The following ARF4 variants were observed in gnomAD, a reference collection of about 807,000 sequenced individuals.
The protein encoded by ARF4 is ARF GTPase 4.
ARF4 carries 5 observed loss-of-function variants against 24.3 expected under a neutral mutation model. The observed-to-expected ratio is 0.21, with a 90% CI of 0.11 to 0.43. ARF4 has a LOEUF of 0.43. ARF4 is among the 20% of genes least tolerant of loss of function. The probability of loss-of-function intolerance (pLI) is 1.00; values close to 1 mark genes in which losing one functional copy is unlikely to be tolerated. For synonymous variants in ARF4, 62 were observed against 73.5 expected, an observed-to-expected ratio of 0.84 and a Z score of 0.80; for missense variants, 107 against 213.0, an observed-to-expected ratio of 0.50 and a Z score of 3.10.
intron 1 of ARF4, chr3:57,596,679 G>T: frequency 1.0e-5 from 2 of 199,136 alleles, no homozygotes; most frequent in Non-Finnish European, 2.1e-5. Context: ...GAGTTGCTCT[G>T]CCTCCCTCCT....
At chr3:57,583,819 G>A (rs1244328918) in intron 3 of ARF4, 79 bp downstream of exon 3, 1 of 980,420 alleles carries the variant, frequency 1.0e-6, no homozygotes, top group Admixed American at 2.3e-5. Context: ...CAATATCCAA[G>A]TAAATACTAG....
At chr3:57,586,283 C>T (rs538854756) in intron 1 of ARF4, among the ~76,000 whole-genome samples, 3 of 148,354 alleles carry the variant, frequency 2.0e-5, no homozygotes, top group Non-Finnish European at 4.5e-5. Context: ...TAAGCAAGGA[C>T]ACTTTCTTAA....
chr3:57,582,854 T>C (rs1369757612), intron 3 of ARF4, among the ~76,000 whole-genome samples: 3 of 152,210 alleles, frequency 2.0e-5, no homozygotes, highest in African/African-American at 7.2e-5. Flanking sequence ...GAACAAACTC[T>C]CCCATCTTGG....
intron 4 of ARF4, among the ~76,000 whole-genome samples, chr3:57,576,915 G>C (rs1313854748): frequency 6.6e-6 from 1 of 151,884 alleles, no homozygotes; most frequent in Non-Finnish European, 1.5e-5. Flanking sequence ...GATGACCTTG[G>C]GAACAAAACA....
chr3:57,583,452 G>A (rs549441194), intron 3 of ARF4, among the ~76,000 whole-genome samples: 1 of 152,148 alleles, frequency 6.6e-6, no homozygotes, highest in South Asian at 2.1e-4. Flanking sequence ...CATACTATGT[G>A]GCAATATAAA....
chr3:57,579,692 G>T (rs946223858), intron 3 of ARF4, among the ~76,000 whole-genome samples: 2 of 152,080 alleles, frequency 1.3e-5, no homozygotes, highest in African/African-American at 4.8e-5. Flanking sequence ...AATTTCCTTT[G>T]TTTTAGCAAA....
Position 57,571,969 on chromosome 3 carries a change from C to T in ARF4, c.*243G>A, listed in dbSNP as rs1423566671. 7 of 430,016 alleles carry T rather than the reference C, an allele frequency of 1.6e-5. No individual in the cohort carries two copies. In the South Asian group the frequency reaches 2.2e-4, roughly 13 times the overall value. The allele number at this position is 430,016 out of a possible 1,614,324, so 26.6% of individuals were successfully genotyped here. On this transcript the variant is annotated 3_prime_UTR_variant, in exon 6 of 6. Coordinates refer to ENST00000303436, the MANE Select transcript of ARF4 (RefSeq NM_001660.4). Reference sequence around the variant, plus strand: ...CACAAGAGCTATGTCCAGGCATTTACGCTTATGGGAAGTAAAATTAAAAGA... The same window carrying T: ...CACAAGAGCTATGTCCAGGCATTTATGCTTATGGGAAGTAAAATTAAAAGA...
chr3:57,596,725 A>G, intron 1 of ARF4: 1 of 276,250 alleles, frequency 3.6e-6, no homozygotes, highest in Non-Finnish European at 7.1e-6. Context: ...AGGTATGCAG[A>G]TCGCACCCCC....
rs1445193094 is a variant in ARF4, at chr3:57,597,332, C to T, written c.-192G>A. ...GCACAGGAATAAGCCGGTAGAGGAC[C>T]TGCTAGGCGACTGGCGCGGCAGCTC... On this transcript the variant is annotated 5_prime_UTR_variant, in exon 1 of 6. Transcript: ENST00000303436. The T allele has an allele frequency of 1.3e-5, 7 of 530,928 alleles. No individual in the cohort carries two copies. The highest frequency in any genetic ancestry group is 2.4e-5 in the Non-Finnish European group (7 of 296,276). 32.9% of individuals were successfully genotyped at this position (530,928 alleles called of 1,614,324 possible).
intron 1 of ARF4, among the ~76,000 whole-genome samples, chr3:57,595,108 T>A (rs961848892): frequency 6.6e-6 from 1 of 152,228 alleles, no homozygotes; most frequent in African/African-American, 2.4e-5. Flanking sequence ...TTCTCTCCCA[T>A]TTTCTTCGAA....
rs1488299487 is a variant in ARF4 at position 57,571,909 on chromosome 3, T to A, written c.*303A>T. On this transcript the variant is annotated 3_prime_UTR_variant, in exon 6 of 6. Coordinates refer to ENST00000303436, the MANE Select transcript of ARF4 (RefSeq NM_001660.4). ...CTTTAAAACATTATTTGTCTGGGGC[T>A]CAAAAAACACTCAAAACAATTTATT... is the stretch of plus-strand genomic sequence containing the variant. 1 of 253,486 alleles carries A rather than the reference T, an allele frequency of 3.9e-6. No homozygotes were observed. The highest frequency in any genetic ancestry group is 7.9e-5 in the East Asian group (1 of 12,700). 15.7% of individuals were successfully genotyped at this position (253,486 alleles called of 1,614,324 possible). A position where few individuals can be genotyped will look rare whatever the true frequency, so the allele number is the denominator to read the frequency against.
In ARF4 at chr3:57,592,365, G is replaced by A. The variant is rs561340074; in HGVS notation, c.67+4709C>T. 3.3e-5 allele frequency among the ~76,000 whole-genome samples: 5 copies of A among 152,188 alleles called. No homozygotes were observed. In the East Asian group the frequency reaches 7.7e-4, roughly 24 times the overall value. ...AGCCGGGCATGGTGGGAGGGGGCCT[G>A]TAATCCCAGCTACTGGAGAGACTGA... On this transcript the variant is annotated intron_variant, in intron 1 of 5. Transcript: ENST00000303436.
At chr3:57,595,414 G>A (rs2070168023) in intron 1 of ARF4, among the ~76,000 whole-genome samples, 1 of 152,098 alleles carries the variant, frequency 6.6e-6, no homozygotes, top group South Asian at 2.1e-4. Context: ...CCAACTTTCA[G>A]CCACTGAAAA....
At chr3:57,581,665 T>G (rs1185494337) in intron 3 of ARF4, among the ~76,000 whole-genome samples, 2 of 152,108 alleles carry the variant, frequency 1.3e-5, no homozygotes, top group Non-Finnish European at 2.9e-5. Context: ...CCAGGTGTGG[T>G]GGCGCATGCC....
chr3:57,586,928 C>T (rs964088323), intron 1 of ARF4, among the ~76,000 whole-genome samples: 2 of 151,980 alleles, frequency 1.3e-5, no homozygotes, highest in South Asian at 2.1e-4. Context: ...GAAACTGAGA[C>T]GCTGATTAAG....
chr3:57,578,894 G>T (rs935819182), intron 3 of ARF4, among the ~76,000 whole-genome samples: 1 of 151,496 alleles, frequency 6.6e-6, no homozygotes, highest in Non-Finnish European at 1.5e-5. Flanking sequence ...TAGAAAAGGG[G>T]GGGGGCAAAA....
In ARF4 at chr3:57,597,202, T is replaced by C; in HGVS notation, c.-62A>G. 1 of 1,504,284 alleles carries C rather than the reference T, an allele frequency of 6.6e-7. No homozygotes were observed. The highest frequency in any genetic ancestry group is 9.2e-7 in the Non-Finnish European group (1 of 1,087,110). The allele number at this position is 1,504,284 out of a possible 1,614,324, so 93.2% of individuals were successfully genotyped here. ...GGGTTTGGGGCGACCCCGTGCTTTC[T>C]CCTTTCAAGCTCCCAGGCAAACTAA... On this transcript the variant is annotated 5_prime_UTR_variant, in exon 1 of 6. Coordinates refer to ENST00000303436, the MANE Select transcript of ARF4 (RefSeq NM_001660.4).
chr3:57,583,748 T>C, intron 3 of ARF4, 150 bp downstream of exon 3: 1 of 645,016 alleles, frequency 1.6e-6, no homozygotes, highest in Non-Finnish European at 2.7e-6. Context: ...AAGGCCTAAG[T>C]GAGAGTCCAC....
chr3:57,578,568 C>G (rs2069933394), intron 3 of ARF4, among the ~76,000 whole-genome samples: 1 of 151,910 alleles, frequency 6.6e-6, no homozygotes, highest in Non-Finnish European at 1.5e-5. Context: ...CAGCCTTGAC[C>G]CCCTGGGCTC....
Sources: gnomAD v4.1 joint callset for allele counts (sites outside exome capture counted in the v4.1 genomes callset) on GRCh38, gnomAD v4.1.1 for gene constraint, MANE v1.5 for transcripts, NCBI Gene and HGNC (gene_info 2026-07-23, HGNC 2026-07-21) for gene names.